PAK2: variants seen among roughly 807,000 people sequenced by gnomAD.
The protein encoded by PAK2 is p21 (RAC1) activated kinase 2, also known as serine/threonine-protein kinase PAK 2.
In PAK2, 21 loss-of-function variants were observed where a neutral mutation model predicts 65.9. The observed-to-expected ratio is 0.32, with a 90% CI of 0.23 to 0.46. The LOEUF (loss-of-function observed/expected upper bound fraction) is 0.46. PAK2 is among the 20% of genes least tolerant of loss of function. The pLI, the probability that PAK2 is intolerant of heterozygous loss-of-function variation, is 1.00. For synonymous variants in PAK2, 204 were observed against 219.7 expected (o/e 0.93, Z 0.63); for missense variants, 324 against 642.6 (o/e 0.50, Z 5.36).
chr3:196,809,493 G>A (rs946789597), intron 7 of PAK2, among the ~76,000 whole-genome samples: 2 of 149,968 alleles, frequency 1.3e-5, no homozygotes, highest in African/African-American at 4.9e-5. Context: ...ACAGGTGTGC[G>A]CCACCACACC....
chr3:196,767,483 TTTTGTTTGTTTG>T (rs57659732), intron 1 of PAK2, among the ~76,000 whole-genome samples: 1 of 151,924 alleles, frequency 6.6e-6, no homozygotes, highest in Non-Finnish European at 1.5e-5. Flanking sequence ...AATACATGTT[TTTTGTTTGTTTG>T]TTTGTTTGTT....
chr3:196,750,770 AC>A (rs1713553061), intron 1 of PAK2, among the ~76,000 whole-genome samples: 3 of 150,636 alleles, frequency 2.0e-5, no homozygotes, highest in South Asian at 4.2e-4. Context: ...AAAAAAAAAA[AC>A]CAAAACATGT....
chr3:196,815,658 G>A (rs536657682), intron 11 of PAK2, among the ~76,000 whole-genome samples: 44 of 151,838 alleles, frequency 2.9e-4, no homozygotes, highest in African/African-American at 4.8e-4. Flanking sequence ...GTGGTGGTAC[G>A]CGCCTGTAGT....
intron 4 of PAK2, 109 bp downstream of exon 4, chr3:196,803,273 C>T (rs1715477617): frequency 6.9e-6 from 6 of 871,212 alleles, no homozygotes; most frequent in Non-Finnish European, 6.9e-6. Context: ...TTGTTGATAA[C>T]GGTTTTTCCC....
rs1290347109 is a variant in PAK2, at chr3:196,830,166, A to G, written c.*1761A>G. ...ATTTTATTTCCACTATATCTATGAT[A>G]AGATGCAATTATAAGGAGAGAAGTG... On this transcript the variant is annotated 3_prime_UTR_variant, in exon 15 of 15. Transcript: ENST00000327134. The G allele has an allele frequency of 6.6e-6, 1 of 152,222 alleles. No individual in the cohort carries two copies. Among genetic ancestry groups the G allele is most frequent in the African/African-American group, 2.4e-5 (1 of 41,456 alleles). The allele number at this position is 152,222 out of a possible 1,614,324, so 9.4% of individuals were successfully genotyped here.
intron 1 of PAK2, among the ~76,000 whole-genome samples, chr3:196,759,507 T>G (rs867245972): frequency 9.2e-4 from 96 of 104,516 alleles, no homozygotes; most frequent in Middle Eastern, 4.2e-3. Flanking sequence ...TGTTTTTTTT[T>G]TTTTTTTTTT....
Position 196,818,161 on chromosome 3 carries a change from GT to G in PAK2, c.1153+6del. ...TGGAAGGATCTGTTAAGCTCAGTGA[GT>G]AACAAATGGACAATTCACAATCATT... On this transcript the variant is annotated splice_donor_region_variant and intron_variant, in intron 12 of 14. Coordinates refer to ENST00000327134, the MANE Select transcript of PAK2 (RefSeq NM_002577.4). The G allele has an allele frequency of 9.7e-7, 1 of 1,026,428 alleles. No homozygotes were observed. Among genetic ancestry groups the G allele is most frequent in the Non-Finnish European group, 1.5e-6 (1 of 649,978 alleles). The allele number at this position is 1,026,428 out of a possible 1,614,324, so 63.6% of individuals were successfully genotyped here.
intron 1 of PAK2, among the ~76,000 whole-genome samples, chr3:196,780,933 C>T (rs563215863): frequency 9.2e-5 from 14 of 152,244 alleles, no homozygotes; most frequent in South Asian, 4.1e-4. Flanking sequence ...GGACTACAGG[C>T]GCCTGCCACC....
intron 2 of PAK2, chr3:196,785,000 GA>G (rs1381145909): frequency 6.6e-6 from 1 of 152,314 alleles, no homozygotes; most frequent in East Asian, 1.9e-4. Flanking sequence ...AACGCTTCAC[GA>G]ATTTGCGTGT....
intron 1 of PAK2, among the ~76,000 whole-genome samples, chr3:196,740,474 C>T (rs1024154127): frequency 1.8e-4 from 27 of 152,208 alleles, no homozygotes; most frequent in African/African-American, 6.3e-4. Context: ...GGTCTTCCCT[C>T]CCCTCGCGTT....
intron 1 of PAK2, among the ~76,000 whole-genome samples, chr3:196,776,965 T>C (rs1306171470): frequency 6.6e-6 from 1 of 152,190 alleles, no homozygotes; most frequent in Non-Finnish European, 1.5e-5. Context: ...AAGATTTTTT[T>C]CGTAAATTTC....
intron 1 of PAK2, among the ~76,000 whole-genome samples, chr3:196,742,645 T>C: frequency 6.6e-6 from 1 of 152,204 alleles, no homozygotes; most frequent in South Asian, 2.1e-4. Context: ...CCGGGCGCGG[T>C]GGCTCACGCC....
intron 1 of PAK2, among the ~76,000 whole-genome samples, chr3:196,781,030 C>T (rs908260101): frequency 2.8e-4 from 42 of 152,178 alleles, no homozygotes; most frequent in Middle Eastern, 3.2e-3. Context: ...CCTCGTGATC[C>T]ACCCGCCTCG....
chr3:196,794,039 G>A (rs1451102659), intron 2 of PAK2, among the ~76,000 whole-genome samples: 5 of 152,108 alleles, frequency 3.3e-5, no homozygotes, highest in African/African-American at 1.2e-4. Flanking sequence ...GCTGAGGCAG[G>A]AGAATCACTT....
intron 1 of PAK2, among the ~76,000 whole-genome samples, chr3:196,741,757 A>T (rs1368220759): frequency 5.9e-5 from 9 of 152,170 alleles, no homozygotes; most frequent in Admixed American, 5.2e-4. Flanking sequence ...CCTTAACTTA[A>T]TGGATGTTTT....
intron 14 of PAK2, 145 bp downstream of exon 14, chr3:196,827,478 C>A: frequency 6.8e-7 from 1 of 1,466,234 alleles, no homozygotes; most frequent in South Asian, 1.4e-5. Context: ...TTTCATCCTA[C>A]CATGCTGAGC....
rs76986515 is a variant in PAK2, at chr3:196,793,806, T to C, written c.188-8121T>C. 2.4e-3 allele frequency among the ~76,000 whole-genome samples: 369 copies of C among 152,160 alleles called. 6 individuals carry two copies. The East Asian group carries it at 0.034, about 14-fold the overall frequency. On this transcript the variant is annotated intron_variant, in intron 2 of 14. Transcript: ENST00000327134. ...TAAAATTACCAAAACAAACAAAAGA[T>C]AGCAATAGAAAGAAGAGTGGAAGAT...
At chr3:196,809,023 G>A (rs181704052) in intron 7 of PAK2, among the ~76,000 whole-genome samples, 1 of 151,778 alleles carries the variant, frequency 6.6e-6, no homozygotes, top group East Asian at 1.9e-4. Context: ...GATAGCTGGA[G>A]TCCAGGAGTT....
In PAK2 at chr3:196,740,685, TAAA is replaced by T. The variant is rs1249725735; in HGVS notation, c.-22+531_-22+533del. Among the ~76,000 whole-genome samples the T allele has an allele frequency of 2.6e-5, 4 of 152,142 alleles. No homozygotes were observed. The East Asian group carries it at 7.7e-4, about 29-fold the overall frequency. On this transcript the variant is annotated intron_variant, in intron 1 of 14. Transcript: ENST00000327134. ...ACCTCTTTTCCACATTCCACATTGGTAAAAACGTAGAGCGTCCCGGGCGCTTGA... is the reference window on the plus strand; with the variant it reads ...ACCTCTTTTCCACATTCCACATTGGTAACGTAGAGCGTCCCGGGCGCTTGA...
Sources: gnomAD v4.1 joint callset for allele counts (sites outside exome capture counted in the v4.1 genomes callset) on GRCh38, gnomAD v4.1.1 for gene constraint, MANE v1.5 for transcripts, NCBI Gene and HGNC (gene_info 2026-07-23, HGNC 2026-07-21) for gene names.